CCND3: variants seen among roughly 807,000 people sequenced by gnomAD.
CCND3 encodes the protein G1/S-specific cyclin-D3.
A neutral mutation model predicts 28.7 loss-of-function variants in CCND3; 9 were observed. That is an observed-to-expected ratio of 0.31 (90% confidence interval 0.19 to 0.55). CCND3 has a LOEUF of 0.55. Among genes scored for constraint, CCND3 ranks in the 20% least tolerant of loss-of-function variants. CCND3 has a pLI of 0.93. For synonymous variants in CCND3, 164 were observed against 163.9 expected, an observed-to-expected ratio of 1.00 and a Z score of 0.00; for missense variants, 315 against 385.8, an observed-to-expected ratio of 0.82 and a Z score of 1.54.
At chr6:41,970,336 T>C (rs1205751476) in intron 1 of CCND3, among the ~76,000 whole-genome samples, 1 of 151,946 alleles carries the variant, frequency 6.6e-6, no homozygotes, top group African/African-American at 2.4e-5. Context: ...AGACTCCGTC[T>C]CAAAAATAAA....
chr6:41,946,116 G>A (rs1478615728), upstream of CCND3, among the ~76,000 whole-genome samples: 1 of 152,100 alleles, frequency 6.6e-6, no homozygotes, highest in African/African-American at 2.4e-5. Flanking sequence ...CTCACTGTGT[G>A]AATTTGGCTA....
At chr6:41,994,265 T>C (rs1364547198) in intron 1 of CCND3, among the ~76,000 whole-genome samples, 2 of 152,008 alleles carry the variant, frequency 1.3e-5, no homozygotes, top group Admixed American at 1.3e-4. Context: ...GGCTATCCCA[T>C]ATAGTCTAGG....
intron 1 of CCND3, among the ~76,000 whole-genome samples, chr6:42,039,716 G>A (rs1490226172): frequency 6.6e-6 from 1 of 152,226 alleles, no homozygotes; most frequent in Non-Finnish European, 1.5e-5. Context: ...TCCCCAGATA[G>A]GTTAGGGCCC....
chr6:42,008,198 T>A (rs1159608045), intron 1 of CCND3, among the ~76,000 whole-genome samples: 1 of 152,058 alleles, frequency 6.6e-6, no homozygotes, highest in Admixed American at 6.6e-5. Context: ...CTGGCCAACA[T>A]GGCGAAACCC....
At chr6:41,986,290 G>A (rs767772225) in intron 1 of CCND3, among the ~76,000 whole-genome samples, 11 of 151,766 alleles carry the variant, frequency 7.2e-5, no homozygotes, top group Non-Finnish European at 1.6e-4. Context: ...TGAATTTCAG[G>A]ATTGTTTTTT....
At chr6:41,951,558 AC>A (rs1776313291) in intron 1 of CCND3, among the ~76,000 whole-genome samples, 1 of 77,776 alleles carries the variant, frequency 1.3e-5, no homozygotes, top group Non-Finnish European at 3.0e-5. Context: ...ACACACACAC[AC>A]ACACACACAC....
At chr6:42,045,646 G>C (rs924268221) in intron 1 of CCND3, among the ~76,000 whole-genome samples, 25 of 152,224 alleles carry the variant, frequency 1.6e-4, no homozygotes, top group African/African-American at 5.8e-4. Context: ...TGGGTAACTT[G>C]TTCCAATGCC....
chr6:42,026,475 C>T (rs1321748484), intron 1 of CCND3, among the ~76,000 whole-genome samples: 1 of 152,118 alleles, frequency 6.6e-6, no homozygotes, highest in African/African-American at 2.4e-5. Flanking sequence ...GGGTTCTGGT[C>T]CCTCTGCTCT....
At chr6:42,000,234 C>CGTTTTTTTTTTTTTTTTTTTT (rs1762951898) in intron 1 of CCND3, among the ~76,000 whole-genome samples, 6 of 50,998 alleles carry the variant, frequency 1.2e-4, no homozygotes, top group Non-Finnish European at 1.6e-4. Context: ...TGAAAACATA[C>CGTTTTTTTTTTTTTTTTTTTT]TTTTTTTTTT....
intron 1 of CCND3, among the ~76,000 whole-genome samples, chr6:41,956,258 C>A (rs1232900585): frequency 6.6e-6 from 1 of 151,884 alleles, no homozygotes; most frequent in Non-Finnish European, 1.5e-5. Flanking sequence ...TGCCACTGCA[C>A]CCCAGCCTGG....
In CCND3 at chr6:41,957,805, G is replaced by T. The variant is rs138031350; in HGVS notation, c.-45-17220C>A. On this transcript the variant is annotated intron_variant, in intron 1 of 4. Transcript: ENST00000372988. ...CTGTTGTCAGCCATTCACAGTTCCA[G>T]ATTCCTCTCATTGTAGGTTATTTGC... Among the ~76,000 whole-genome samples the T allele has an allele frequency of 6.6e-5, 10 of 152,150 alleles. No homozygotes were observed. In the East Asian group the frequency reaches 1.7e-3, roughly 26 times the overall value.
Position 42,024,887 on chromosome 6 carries a change from C to T in CCND3, c.-46+23614G>A, listed in dbSNP as rs539697210. Among the ~76,000 whole-genome samples the T allele has an allele frequency of 2.6e-5, 4 of 152,170 alleles. No individual in the cohort carries two copies. In the East Asian group the frequency reaches 5.8e-4, roughly 22 times the overall value. ...CAGCCTGACTAATAGAGAGAAACCC[C>T]GTCTCTCCTAAAAATACAAAATTAG... On this transcript the variant is annotated intron_variant, in intron 1 of 4. Coordinates refer to the CCND3 transcript ENST00000372988.
intron 1 of CCND3, among the ~76,000 whole-genome samples, chr6:41,957,916 C>T (rs1345866886): frequency 6.6e-6 from 1 of 151,912 alleles, no homozygotes; most frequent in African/African-American, 2.4e-5. Flanking sequence ...AACTCCTGGC[C>T]TCAAGCAATC....
chr6:41,957,863 A>AT (rs909905346), intron 1 of CCND3, among the ~76,000 whole-genome samples: 2 of 151,806 alleles, frequency 1.3e-5, no homozygotes, highest in Non-Finnish European at 2.9e-5. Context: ...GTTTTTTAAA[A>AT]TTTTTTGCAG....
At chr6:41,965,869 TTGTC>T (rs1395248570) in intron 1 of CCND3, among the ~76,000 whole-genome samples, 5 of 152,288 alleles carry the variant, frequency 3.3e-5, no homozygotes, top group African/African-American at 9.6e-5. Flanking sequence ...TTGCATATCT[TTGTC>T]TGACCCATTA....
chr6:42,024,880 G>A (rs570682028), intron 1 of CCND3, among the ~76,000 whole-genome samples: 1 of 152,152 alleles, frequency 6.6e-6, no homozygotes, highest in African/African-American at 2.4e-5. Flanking sequence ...CTAATAGAGA[G>A]AAACCCCGTC....
At chr6:42,031,695 T>G (rs936010462) in intron 1 of CCND3, among the ~76,000 whole-genome samples, 12 of 152,156 alleles carry the variant, frequency 7.9e-5, no homozygotes, top group Non-Finnish European at 1.6e-4. Flanking sequence ...CCTTCAAGTC[T>G]TTGTGTGTGT....
At chr6:41,942,174 T>C (rs1176132664), upstream of CCND3, among the ~76,000 whole-genome samples, 1 of 152,212 alleles carries the variant, frequency 6.6e-6, no homozygotes, top group African/African-American at 2.4e-5. Flanking sequence ...CGATAAATAA[T>C]GTCAGAGCTA....
intron 1 of CCND3, among the ~76,000 whole-genome samples, chr6:42,000,956 G>T (rs531688229): frequency 1.1e-3 from 167 of 151,848 alleles, no homozygotes; most frequent in African/African-American, 3.8e-3. Flanking sequence ...ACATCTATAG[G>T]TCAGGCACGG....
Sources: allele counts gnomAD v4.1 joint callset (sites outside exome capture counted in the v4.1 genomes callset), GRCh38; gene constraint gnomAD v4.1.1; transcripts MANE v1.5; gene names NCBI Gene and HGNC (gene_info 2026-07-23, HGNC 2026-07-21).